Variants in ENPP1 observed in about 807,000 individuals in gnomAD.
ENPP1 encodes ectonucleotide pyrophosphatase/phosphodiesterase 1, also known as ectonucleotide pyrophosphatase/phosphodiesterase family member 1.
ENPP1 carries 73 observed loss-of-function variants against 122.8 expected under a neutral mutation model. The observed-to-expected ratio is 0.59, with a 90% confidence interval of 0.49 to 0.72. The LOEUF is 0.72. ENPP1 is among the 30% of genes least tolerant of loss of function. ENPP1 has a pLI of 0.00. For missense variants in ENPP1, 978 were observed against 1,128.1 expected (o/e 0.87, Z 1.91); for synonymous variants, 367 against 391.6 (o/e 0.94, Z 0.74).
At chr6:131,867,497 A>G (rs577161974) in intron 11 of ENPP1, among the ~76,000 whole-genome samples, 1 of 152,250 alleles carries the variant, frequency 6.6e-6, no homozygotes, top group Non-Finnish European at 1.5e-5. Flanking sequence ...ACATTGAATT[A>G]TAAGAAGCAT....
intron 23 of ENPP1, among the ~76,000 whole-genome samples, chr6:131,886,028 T>C (rs891719741): frequency 6.6e-6 from 1 of 152,208 alleles, no homozygotes; most frequent in Admixed American, 6.5e-5. Context: ...AGAATGACTA[T>C]GAGGTAAAGA....
At chr6:131,887,383 A>G (rs1332310715) in intron 24 of ENPP1, among the ~76,000 whole-genome samples, 5 of 150,598 alleles carry the variant, frequency 3.3e-5, no homozygotes, top group Admixed American at 3.3e-4. Context: ...AGACTGCATA[A>G]CATTTTAGCA....
rs113029757 is a variant in ENPP1, at chr6:131,837,682, T to C, written c.241-10094T>C. Among the ~76,000 whole-genome samples the C allele has an allele frequency of 8.3e-3, 1,257 of 152,254 alleles. 29 individuals are homozygous for C. The highest frequency in any genetic ancestry group is 0.029 in the African/African-American group (1,210 of 41,542). ...AGTTGATAGGTATTCCTATAATGAT[T>C]TCTGTGAATCTTGAAACCTGTTAAT... On this transcript the variant is annotated intron_variant, in intron 1 of 24. Transcript: ENST00000647893.
intron 1 of ENPP1, among the ~76,000 whole-genome samples, chr6:131,818,287 A>C (rs1208014498): frequency 6.6e-6 from 1 of 151,364 alleles, no homozygotes; most frequent in African/African-American, 2.4e-5. Context: ...ACTTGCAATA[A>C]AAAAAAAGCC....
In ENPP1 at chr6:131,869,733, G is replaced by A. The variant is rs1369204903; in HGVS notation, c.1405+244G>A. On this transcript the variant is annotated intron_variant, in intron 13 of 24. Coordinates refer to ENST00000647893, the MANE Select transcript of ENPP1 (RefSeq NM_006208.3). ...TAGCCTGGCTTGGTGGCAGCTGCCT[G>A]TAATCCCAGCTGCTCTGGAGGCTGA... Among the ~76,000 whole-genome samples the A allele has an allele frequency of 2.0e-5, 3 of 151,718 alleles. 1 individual carries two copies. Among genetic ancestry groups the A allele is most frequent in the Admixed American group, 2.0e-4 (3 of 15,202 alleles).
At chr6:131,840,324 T>G (rs1181191529) in intron 1 of ENPP1, among the ~76,000 whole-genome samples, 2 of 152,254 alleles carry the variant, frequency 1.3e-5, no homozygotes, top group Non-Finnish European at 1.5e-5. Context: ...CTTCAGCTAC[T>G]GTTGAAAACA....
intron 1 of ENPP1, among the ~76,000 whole-genome samples, chr6:131,815,675 A>G (rs1466739275): frequency 6.6e-6 from 1 of 150,678 alleles, no homozygotes; most frequent in Non-Finnish European, 1.5e-5. Context: ...ACCTTTCTAG[A>G]GCATTTACAG....
Position 131,861,614 on chromosome 6 carries a change from A to G in ENPP1, c.935A>G (p.Tyr312Cys), listed in dbSNP as rs371411658. The G allele has an allele frequency of 1.2e-6, 2 of 1,612,778 alleles. No individual in the cohort carries two copies. The highest frequency in any genetic ancestry group is 1.7e-5 in the Admixed American group (1 of 60,008). Residue 312 changes from tyrosine (Y) to cysteine (C), a missense_variant, in exon 9 of 25, where the codon TAT becomes TGT. Physicochemically the swap from Tyr to Cys is radical, Grantham distance 194. This residue lies in a region of ENPP1 where 644 missense variants were observed against 781.5 expected (regional missense o/e 0.82). Coordinates refer to ENST00000647893, the MANE Select transcript of ENPP1 (RefSeq NM_006208.3). Reference sequence around the variant, plus strand: ...CTCCAGATTTGGGTCACAGCTAAGTATCAAGGCCTCAAGTCTGGCACATTT... The same window carrying G: ...CTCCAGATTTGGGTCACAGCTAAGTGTCAAGGCCTCAAGTCTGGCACATTT... ...KGEPIWVTAK[Y>C]QGLKSGTFFW... is the part of the protein sequence containing the mutation.
intron 23 of ENPP1, among the ~76,000 whole-genome samples, chr6:131,885,815 A>G (rs1401900156): frequency 6.6e-6 from 1 of 152,206 alleles, no homozygotes; most frequent in Middle Eastern, 3.2e-3. Context: ...CCCTTGAGGC[A>G]TAAAGCTGCC....
At chr6:131,864,996 G>A (rs1004604946) in intron 11 of ENPP1, 58 bp downstream of exon 11, 50 of 1,068,242 alleles carry the variant, frequency 4.7e-5, no homozygotes, top group Middle Eastern at 2.0e-4. Context: ...ACTGAACCTC[G>A]CTTTGAAGGA....
At chr6:131,855,445 C>A (rs918370471) in intron 6 of ENPP1, among the ~76,000 whole-genome samples, 1 of 152,134 alleles carries the variant, frequency 6.6e-6, no homozygotes, top group Non-Finnish European at 1.5e-5. Context: ...CGTGCCACAG[C>A]CTCCCAAGTA....
intron 1 of ENPP1, among the ~76,000 whole-genome samples, chr6:131,811,376 A>ATATATCTATATCTATATC (rs56938500): frequency 0.045 from 5,875 of 131,220 alleles, 187 homozygotes; most frequent in Middle Eastern, 0.075. Flanking sequence ...ATCTATATCT[A>ATATATCTATATCTATATC]TATATCTATA....
intron 1 of ENPP1, among the ~76,000 whole-genome samples, chr6:131,831,708 CTCA>C (rs1280768330): frequency 6.6e-6 from 1 of 152,172 alleles, no homozygotes; most frequent in African/African-American, 2.4e-5. Flanking sequence ...CCATTCTTAA[CTCA>C]TCATTTCAAG....
intron 1 of ENPP1, among the ~76,000 whole-genome samples, chr6:131,839,230 A>G (rs1281700089): frequency 6.6e-6 from 1 of 151,874 alleles, no homozygotes; most frequent in Non-Finnish European, 1.5e-5. Flanking sequence ...AGTTTTGTAT[A>G]TGTCTTTTTG....
At chr6:131,885,084 T>C in intron 23 of ENPP1, 21 bp downstream of exon 23, 1 of 1,612,490 alleles carries the variant, frequency 6.2e-7, no homozygotes, top group Non-Finnish European at 8.5e-7. Flanking sequence ...ATTTCATTAC[T>C]CTTAAAAATA....
chr6:131,808,308 G>A (rs1165632675), intron 1 of ENPP1, 33 bp downstream of exon 1: 4 of 1,483,096 alleles, frequency 2.7e-6, no homozygotes, highest in South Asian at 1.3e-5. Flanking sequence ...GCGCCCGGGA[G>A]GGCTGGGAGT....
At chr6:131,852,256 A>G (rs374707712) in intron 5 of ENPP1, 21 bp downstream of exon 5, 13 of 1,534,242 alleles carry the variant, frequency 8.5e-6, no homozygotes, top group Non-Finnish European at 1.2e-5. Context: ...ATTCTGAGGT[A>G]TTAATTTTTT....
chr6:131,874,417 G>T (rs1009306696), intron 16 of ENPP1, 80 bp downstream of exon 16: 1 of 775,246 alleles, frequency 1.3e-6, no homozygotes, highest in Non-Finnish European at 2.2e-6. Flanking sequence ...AAAACATACT[G>T]TGATTATATG....
chr6:131,845,550 G>A (rs1026293773), intron 1 of ENPP1, among the ~76,000 whole-genome samples: 6 of 149,462 alleles, frequency 4.0e-5, no homozygotes, highest in Non-Finnish European at 7.4e-5. Context: ...TCCGCCTCCC[G>A]GGTTCAAGCG....
Sources: gnomAD v4.1 joint callset for allele counts (sites outside exome capture counted in the v4.1 genomes callset) on GRCh38, gnomAD v4.1.1 for gene constraint, gnomAD v4.1.1 regional missense constraint, MANE v1.5 for transcripts, NCBI Gene and HGNC (gene_info 2026-07-23, HGNC 2026-07-21) for gene names.